Variants in KCNQ5 observed in about 807,000 individuals in gnomAD.
KCNQ5 encodes potassium voltage-gated channel subfamily Q member 5.
In KCNQ5, 30 loss-of-function variants were observed where a neutral mutation model predicts 98.2. That is an observed-to-expected ratio of 0.31 (90% confidence interval 0.23 to 0.41). The LOEUF is 0.41. Among genes scored for constraint, KCNQ5 ranks in the 10% least tolerant of loss-of-function variants. The probability of loss-of-function intolerance (pLI) is 1.00; values close to 1 mark genes in which losing one functional copy is unlikely to be tolerated. For missense variants in KCNQ5, 835 were observed against 1,182.5 expected, an observed-to-expected ratio of 0.71 and a Z score of 4.31; for synonymous variants, 458 against 449.4, an observed-to-expected ratio of 1.02 and a Z score of -0.24.
intron 5 of KCNQ5, among the ~76,000 whole-genome samples, chr6:73,078,157 T>C (rs1418761921): frequency 6.6e-6 from 1 of 151,310 alleles, no homozygotes; most frequent in Non-Finnish European, 1.5e-5. Flanking sequence ...TATATCATTT[T>C]TAAAATGGTG....
At chr6:73,106,990 G>A (rs983654437) in intron 6 of KCNQ5, among the ~76,000 whole-genome samples, 10 of 151,668 alleles carry the variant, frequency 6.6e-5, no homozygotes, top group East Asian at 1.9e-4. Flanking sequence ...AAAATCTTAC[G>A]TATCCAAGGC....
chr6:72,874,348 A>C (rs1562039446), intron 1 of KCNQ5, among the ~76,000 whole-genome samples: 3 of 152,134 alleles, frequency 2.0e-5, no homozygotes, highest in Admixed American at 1.3e-4. Context: ...ATAAATATGC[A>C]CTAAATTTCT....
At chr6:72,871,747 A>T (rs924591199) in intron 1 of KCNQ5, among the ~76,000 whole-genome samples, 1 of 152,142 alleles carries the variant, frequency 6.6e-6, no homozygotes, top group Admixed American at 6.6e-5. Flanking sequence ...CTTGTAATGT[A>T]CTCTGACTCT....
intron 6 of KCNQ5, among the ~76,000 whole-genome samples, chr6:73,108,241 G>A (rs568607718): frequency 6.6e-6 from 1 of 152,290 alleles, no homozygotes; most frequent in East Asian, 1.9e-4. Flanking sequence ...GCTCACAGAA[G>A]AAGCCCCAGC....
chr6:73,000,414 T>C (rs1179609171), intron 1 of KCNQ5, among the ~76,000 whole-genome samples: 1 of 152,224 alleles, frequency 6.6e-6, no homozygotes, highest in East Asian at 1.9e-4. Flanking sequence ...AAACTTTATA[T>C]GCTTGGTCTG....
chr6:72,797,301 T>A (rs575121997), intron 1 of KCNQ5, among the ~76,000 whole-genome samples: 210 of 152,164 alleles, frequency 1.4e-3, no homozygotes, highest in Non-Finnish European at 2.3e-3. Context: ...GCAGACTGCT[T>A]GAGCCCAGCC....
chr6:73,099,581 A>G lies in KCNQ5; in HGVS notation c.919-5676A>G, dbSNP rs532352546. On this transcript the variant is annotated intron_variant, in intron 5 of 13. Transcript: ENST00000370398. The stretch of plus-strand genomic sequence containing the variant: ...AAGACAAAAGCTATCAAAAGAGACA[A>G]GGAAGGTCATTATATAATGATAAAG... Among the ~76,000 whole-genome samples the G allele has an allele frequency of 2.1e-3, 325 of 152,300 alleles. 1 individual carries two copies. The highest frequency in any genetic ancestry group is 7.1e-3 in the African/African-American group (294 of 41,562).
At chr6:72,981,390 G>T (rs956589220) in intron 1 of KCNQ5, among the ~76,000 whole-genome samples, 1 of 151,880 alleles carries the variant, frequency 6.6e-6, no homozygotes. Context: ...GTCTTGGGAG[G>T]GTGTATATGT....
At chr6:72,860,410 C>T (rs569860365) in intron 1 of KCNQ5, among the ~76,000 whole-genome samples, 3 of 152,190 alleles carry the variant, frequency 2.0e-5, no homozygotes, top group South Asian at 2.1e-4. Context: ...GAATTGGAGT[C>T]GTGACTTCAC....
rs377499899 is a variant in KCNQ5, at chr6:72,698,631, G to T, written c.398+76044G>T. Among the ~76,000 whole-genome samples the T allele has an allele frequency of 3.6e-3, 416 of 116,562 alleles. 3 individuals carry two copies. Among genetic ancestry groups the T allele is most frequent in the African/African-American group, 0.014 (401 of 28,680 alleles). 76.5% of individuals were successfully genotyped at this position (116,562 alleles called of 152,430 possible). A position where few individuals can be genotyped will look rare whatever the true frequency, so the allele number is the denominator to read the frequency against. Reference sequence around the variant, plus strand: ...CATGATAATTTGGAAGTAAATCTGTGTTTTTTTCTTCTTCTTCTTTTTTTT... The same window carrying T: ...CATGATAATTTGGAAGTAAATCTGTTTTTTTTTCTTCTTCTTCTTTTTTTT... On this transcript the variant is annotated intron_variant, in intron 1 of 13. Coordinates refer to ENST00000370398, the MANE Select transcript of KCNQ5 (RefSeq NM_019842.4).
intron 1 of KCNQ5, among the ~76,000 whole-genome samples, chr6:72,820,390 A>G (rs892650322): frequency 2.6e-5 from 4 of 152,166 alleles, no homozygotes; most frequent in Non-Finnish European, 5.9e-5. Context: ...ACTTACCTTA[A>G]TATGAGGGTA....
intron 1 of KCNQ5, among the ~76,000 whole-genome samples, chr6:72,916,642 C>T (rs1780154045): frequency 6.6e-6 from 1 of 152,170 alleles, no homozygotes; most frequent in Non-Finnish European, 1.5e-5. Context: ...GAACATTTTT[C>T]CTATTGTCAG....
chr6:72,916,885 G>A (rs892696455), intron 1 of KCNQ5, among the ~76,000 whole-genome samples: 3 of 152,146 alleles, frequency 2.0e-5, no homozygotes, highest in Admixed American at 6.5e-5. Flanking sequence ...TTCAACTTCT[G>A]CAGTCACTTA....
At chr6:73,065,376 T>C (rs79612389) in intron 3 of KCNQ5, among the ~76,000 whole-genome samples, 11,034 of 152,220 alleles carry the variant, frequency 0.072, 517 homozygotes, top group Middle Eastern at 0.15. Flanking sequence ...ATCCAGCTCC[T>C]TTACAGCTCC....
At chr6:72,838,157 G>T (rs1380772981) in intron 1 of KCNQ5, among the ~76,000 whole-genome samples, 2 of 126,026 alleles carry the variant, frequency 1.6e-5, no homozygotes, top group Non-Finnish European at 3.1e-5. Flanking sequence ...GCTCTTTCAC[G>T]GTTTCTTCAA....
At chr6:72,815,072 A>AT (rs931267437) in intron 1 of KCNQ5, among the ~76,000 whole-genome samples, 3 of 151,870 alleles carry the variant, frequency 2.0e-5, no homozygotes, top group African/African-American at 7.3e-5. Context: ...GTTTGGGATA[A>AT]TTTTTTTTGA....
intron 12 of KCNQ5, among the ~76,000 whole-genome samples, chr6:73,190,918 G>A (rs1166918523): frequency 6.6e-6 from 1 of 152,170 alleles, no homozygotes; most frequent in Non-Finnish European, 1.5e-5. Flanking sequence ...TTCCTTATCT[G>A]TAAAAATGGG....
chr6:73,015,431 A>T (rs924529404), intron 2 of KCNQ5, among the ~76,000 whole-genome samples: 1 of 152,134 alleles, frequency 6.6e-6, no homozygotes, highest in Non-Finnish European at 1.5e-5. Context: ...AGTATTTCAG[A>T]TATTAGAGGA....
chr6:73,058,487 G>T (rs971133238), intron 3 of KCNQ5, among the ~76,000 whole-genome samples: 2 of 152,144 alleles, frequency 1.3e-5, no homozygotes, highest in Admixed American at 1.3e-4. Flanking sequence ...ATAGGACCTG[G>T]CAAAGATTTT....
Sources: allele counts gnomAD v4.1 joint callset (sites outside exome capture counted in the v4.1 genomes callset), GRCh38; gene constraint gnomAD v4.1.1; transcripts MANE v1.5; gene names NCBI Gene and HGNC (gene_info 2026-07-23, HGNC 2026-07-21).